Variants in GALNT1 observed in about 807,000 individuals in gnomAD.
The protein encoded by GALNT1 is polypeptide N-acetylgalactosaminyltransferase 1.
GALNT1 carries 17 observed loss-of-function variants against 65.7 expected under a neutral mutation model. The ratio of observed to expected loss-of-function variants is 0.26; its 90% CI spans 0.18 to 0.39. GALNT1 has a LOEUF of 0.39. Among genes scored for constraint, GALNT1 ranks in the 10% least tolerant of loss-of-function variants. GALNT1 has a pLI of 1.00. For missense variants in GALNT1, 460 were observed against 672.8 expected (o/e 0.68, Z 3.50); for synonymous variants, 210 against 219.7 (o/e 0.96, Z 0.39).
chr18:35,600,762 T>C (rs2046572272), intron 1 of GALNT1, among the ~76,000 whole-genome samples: 1 of 152,176 alleles, frequency 6.6e-6, no homozygotes, highest in African/African-American at 2.4e-5. Flanking sequence ...TATTTTGAGC[T>C]ATTCTTGCAT....
chr18:35,599,909 T>C (rs544507879), intron 1 of GALNT1, among the ~76,000 whole-genome samples: 1 of 152,368 alleles, frequency 6.6e-6, no homozygotes, highest in South Asian at 2.1e-4. Flanking sequence ...GTTAGTATCA[T>C]GCTGTTTTGG....
chr18:35,598,024 A>C (rs1249598482), intron 1 of GALNT1, among the ~76,000 whole-genome samples: 9,753 of 19,028 alleles, frequency 0.51, 3,678 homozygotes, highest in Middle Eastern at 0.62. Context: ...CTCCCCTCCA[A>C]TCCCCTCCCA....
At chr18:35,643,108 A>T (rs2047186712) in intron 1 of GALNT1, among the ~76,000 whole-genome samples, 1 of 151,896 alleles carries the variant, frequency 6.6e-6, no homozygotes, top group African/African-American at 2.4e-5. Flanking sequence ...TGAGGAGGGG[A>T]GGAGAGGTTA....
chr18:35,655,610 A>G (rs2047374037), intron 2 of GALNT1, among the ~76,000 whole-genome samples: 1 of 151,214 alleles, frequency 6.6e-6, no homozygotes, highest in African/African-American at 2.4e-5. Context: ...ATACATGGCT[A>G]TACAGCAGTT....
chr18:35,641,718 G>T (rs530977529), intron 1 of GALNT1, among the ~76,000 whole-genome samples: 89 of 152,270 alleles, frequency 5.8e-4, no homozygotes, highest in South Asian at 1.9e-3. Flanking sequence ...CATCCACCAC[G>T]TGCAGTGATA....
intron 11 of GALNT1, 73 bp from the exon 12 acceptor site, chr18:35,709,551 C>G: frequency 2.0e-6 from 3 of 1,524,610 alleles, no homozygotes; most frequent in Non-Finnish European, 2.7e-6. Flanking sequence ...TGCAGAGGAA[C>G]TTAATCACCA....
chr18:35,632,137 G>A (rs1241345), intron 1 of GALNT1, among the ~76,000 whole-genome samples: 1 of 151,946 alleles, frequency 6.6e-6, no homozygotes, highest in African/African-American at 2.4e-5. Context: ...AAGTAATTTA[G>A]AGATTCAATG....
At chr18:35,684,708 G>A (rs569007188) in intron 5 of GALNT1, among the ~76,000 whole-genome samples, 2 of 152,320 alleles carry the variant, frequency 1.3e-5, no homozygotes, top group East Asian at 3.9e-4. Flanking sequence ...GCATCATTGA[G>A]TTGGCACAAA....
chr18:35,602,002 A>G (rs991707285), intron 1 of GALNT1, among the ~76,000 whole-genome samples: 1 of 152,212 alleles, frequency 6.6e-6, no homozygotes, highest in Non-Finnish European at 1.5e-5. Flanking sequence ...TTTGCACATC[A>G]GCATCCTTTT....
At chr18:35,633,921 A>C (rs2047055594) in intron 1 of GALNT1, among the ~76,000 whole-genome samples, 1 of 152,162 alleles carries the variant, frequency 6.6e-6, no homozygotes, top group Non-Finnish European at 1.5e-5. Flanking sequence ...AACCTGCTTG[A>C]ACTTAACCCA....
At chr18:35,670,937 C>T (rs2047625522) in intron 3 of GALNT1, among the ~76,000 whole-genome samples, 1 of 152,130 alleles carries the variant, frequency 6.6e-6, no homozygotes, top group Admixed American at 6.5e-5. Context: ...ACTGAAACTG[C>T]ATCTTTACCT....
intron 6 of GALNT1, among the ~76,000 whole-genome samples, chr18:35,687,553 T>C (rs2144635581): frequency 6.6e-6 from 1 of 152,298 alleles, no homozygotes; most frequent in East Asian, 1.9e-4. Context: ...TAAAACTGGG[T>C]CCTTGCATTA....
At chr18:35,604,211 C>T (rs1381764731) in intron 1 of GALNT1, among the ~76,000 whole-genome samples, 3 of 152,084 alleles carry the variant, frequency 2.0e-5, no homozygotes, top group Non-Finnish European at 2.9e-5. Context: ...AGGATAATGG[C>T]CTCTATTTGC....
intron 3 of GALNT1, among the ~76,000 whole-genome samples, chr18:35,671,007 C>A (rs1044046424): frequency 6.6e-6 from 1 of 152,088 alleles, no homozygotes; most frequent in Non-Finnish European, 1.5e-5. Context: ...GAAGGCAAAC[C>A]AGCAAAGCCC....
At chr18:35,624,204 G>C (rs962573282) in intron 1 of GALNT1, among the ~76,000 whole-genome samples, 3 of 152,148 alleles carry the variant, frequency 2.0e-5, no homozygotes, top group African/African-American at 7.2e-5. Flanking sequence ...AGTTTACATA[G>C]ATATTTTAGG....
At chr18:35,637,842 A>G (rs567266702) in intron 1 of GALNT1, among the ~76,000 whole-genome samples, 2 of 152,332 alleles carry the variant, frequency 1.3e-5, no homozygotes, top group South Asian at 4.1e-4. Flanking sequence ...TGCAGCTAGT[A>G]ACTTTAAGTT....
intron 5 of GALNT1, among the ~76,000 whole-genome samples, chr18:35,685,665 G>A (rs1322344032): frequency 6.6e-6 from 1 of 152,124 alleles, no homozygotes; most frequent in Non-Finnish European, 1.5e-5. Context: ...ATTGGAAAAA[G>A]GAAAAGCATT....
intron 1 of GALNT1, among the ~76,000 whole-genome samples, chr18:35,605,021 C>G (rs1037633503): frequency 6.6e-6 from 1 of 152,084 alleles, no homozygotes; most frequent in African/African-American, 2.4e-5. Flanking sequence ...CTCAGATATT[C>G]TTTAATTTTG....
chr18:35,681,081 A>G (rs2047780402), intron 4 of GALNT1, among the ~76,000 whole-genome samples: 1 of 152,094 alleles, frequency 6.6e-6, no homozygotes, highest in South Asian at 2.1e-4. Context: ...ATTCTTCTCT[A>G]CTACTCCTTA....
Sources: gnomAD v4.1 joint callset for allele counts (sites outside exome capture counted in the v4.1 genomes callset) on GRCh38, gnomAD v4.1.1 for gene constraint, MANE v1.5 for transcripts, NCBI Gene and HGNC (gene_info 2026-07-23, HGNC 2026-07-21) for gene names.